The following CCDC171 variants were observed in gnomAD, a reference collection of about 807,000 sequenced individuals.
CCDC171 encodes coiled-coil domain-containing protein 171.
A neutral mutation model predicts 168.2 loss-of-function variants in CCDC171; 177 were observed. That is an observed-to-expected ratio of 1.05 (90% CI 0.93 to 1.19). CCDC171 has a LOEUF of 1.19. CCDC171 is among the 50% of genes most tolerant of loss of function. CCDC171 has a pLI of 0.00. For missense variants in CCDC171, 1,991 were observed against 1,539.0 expected, an observed-to-expected ratio of 1.29 and a Z score of -4.91; for synonymous variants, 687 against 540.8, an observed-to-expected ratio of 1.27 and a Z score of -3.75.
the CCDC171 span, among the ~76,000 whole-genome samples, chr9:16,094,921 G>A: frequency 2.2e-4 from 33 of 152,270 alleles, no homozygotes; most frequent in East Asian, 1.9e-3. Context: ...AGATTTCCCC[G>A]TTGCTGTCTC....
chr9:15,715,309 A>C (rs1217659911), intron 11 of CCDC171, among the ~76,000 whole-genome samples: 2 of 152,224 alleles, frequency 1.3e-5, no homozygotes, highest in Admixed American at 1.3e-4. Context: ...TAGAATAGGC[A>C]CTAATGTTTG....
intron 9 of CCDC171, among the ~76,000 whole-genome samples, chr9:15,670,621 C>T (rs1203833088): frequency 1.3e-5 from 2 of 152,082 alleles, no homozygotes; most frequent in Non-Finnish European, 2.9e-5. Flanking sequence ...TTCTCCCACA[C>T]CACAGACACT....
chr9:15,707,263 C>T (rs72706681), intron 11 of CCDC171, among the ~76,000 whole-genome samples: 3 of 152,330 alleles, frequency 2.0e-5, no homozygotes, highest in Non-Finnish European at 4.4e-5. Flanking sequence ...AGTAGCTTTA[C>T]TGAGTACTCA....
In CCDC171 at chr9:15,672,638, T is replaced by C. The variant is rs542454902; in HGVS notation, c.1077-6120T>C. On this transcript the variant is annotated intron_variant, in intron 9 of 25. Transcript: ENST00000380701. ...TTCCCCGTTTCTTGTTTTTGTCAGG[T>C]TTGTTGAAGATCAGATGGTTGTAGA... is the stretch of plus-strand genomic sequence containing the variant. Among the ~76,000 whole-genome samples the C allele has an allele frequency of 3.9e-5, 6 of 152,292 alleles. No homozygotes were observed. In the South Asian group the frequency reaches 1.2e-3, roughly 32 times the overall value.
chr9:16,107,639 TGTAA>T, the CCDC171 span, among the ~76,000 whole-genome samples: 14 of 152,280 alleles, frequency 9.2e-5, no homozygotes, highest in Middle Eastern at 3.4e-3. Context: ...TATATATACA[TGTAA>T]GTGTTTTTTT....
chr9:16,000,998 G>A (rs1276362404), intron 3 of CCDC171, among the ~76,000 whole-genome samples: 1 of 152,096 alleles, frequency 6.6e-6, no homozygotes, highest in Admixed American at 6.6e-5. Context: ...GATGATGATT[G>A]GCTCATTCAG....
upstream of CCDC171, among the ~76,000 whole-genome samples, chr9:16,041,624 C>A (rs753580449): frequency 1.6e-4 from 25 of 152,142 alleles, no homozygotes; most frequent in Non-Finnish European, 4.4e-5. Flanking sequence ...TAGTGAATAT[C>A]ACTTAACCCA....
At chr9:15,992,398 T>G (rs979281596) in intron 3 of CCDC171, among the ~76,000 whole-genome samples, 1 of 152,210 alleles carries the variant, frequency 6.6e-6, no homozygotes, top group Non-Finnish European at 1.5e-5. Context: ...CAACAGCTCT[T>G]CATGCTAAAA....
chr9:15,576,367 T>C lies in CCDC171; in HGVS notation c.178-2482T>C, dbSNP rs573409387. On this transcript the variant is annotated intron_variant, in intron 3 of 25. Coordinates refer to ENST00000380701, the MANE Select transcript of CCDC171 (RefSeq NM_173550.4). ...CTGGCTAATTTATTATTATTATTATTTGTAGACATGGGGTCTTGCTGTGTT... is the reference window on the plus strand; with the variant it reads ...CTGGCTAATTTATTATTATTATTATCTGTAGACATGGGGTCTTGCTGTGTT... Among the ~76,000 whole-genome samples the C allele has an allele frequency of 4.6e-5, 7 of 151,906 alleles. No individual in the cohort carries two copies. The South Asian group carries it at 1.5e-3, about 32-fold the overall frequency.
At chr9:15,985,181 A>G (rs1831944950) in intron 3 of CCDC171, among the ~76,000 whole-genome samples, 1 of 152,148 alleles carries the variant, frequency 6.6e-6, no homozygotes, top group Admixed American at 6.6e-5. Context: ...GGCACACAGG[A>G]AGGGAGGCTC....
rs200192305 is a variant in CCDC171, at chr9:15,822,806, G to A, written c.3268-23896G>A. Among the ~76,000 whole-genome samples the A allele has an allele frequency of 3.0e-4, 46 of 152,166 alleles. No individual in the cohort carries two copies. The South Asian group carries it at 4.0e-3, about 13-fold the overall frequency. On this transcript the variant is annotated intron_variant, in intron 21 of 25. Coordinates refer to ENST00000380701, the MANE Select transcript of CCDC171 (RefSeq NM_173550.4). ...TCCTCAGGGATCTAGAACTAGAAAT[G>A]CCATTTTACCCAGCCATCGCATTGC...
intron 10 of CCDC171, among the ~76,000 whole-genome samples, chr9:15,688,864 C>T (rs1277355793): frequency 2.0e-5 from 3 of 151,876 alleles, no homozygotes; most frequent in Non-Finnish European, 4.4e-5. Context: ...TGGTATTAGG[C>T]AAGAAAAAGA....
intron 9 of CCDC171, among the ~76,000 whole-genome samples, chr9:15,677,263 T>C (rs1810946670): frequency 6.6e-6 from 1 of 152,198 alleles, no homozygotes; most frequent in African/African-American, 2.4e-5. Flanking sequence ...TTGAGAGATT[T>C]ACATAAATGT....
intron 1 of CCDC171, among the ~76,000 whole-genome samples, chr9:15,555,764 A>C (rs1476869443): frequency 6.6e-6 from 1 of 152,188 alleles, no homozygotes; most frequent in Non-Finnish European, 1.5e-5. Context: ...TACATGTGCC[A>C]TGTTGGTGTG....
At chr9:15,990,009 A>T (rs1832133206) in intron 3 of CCDC171, among the ~76,000 whole-genome samples, 1 of 152,194 alleles carries the variant, frequency 6.6e-6, no homozygotes, top group African/African-American at 2.4e-5. Context: ...ACTCTGCAGG[A>T]TATTATCCAG....
intron 6 of CCDC171, among the ~76,000 whole-genome samples, chr9:15,606,590 G>C (rs1011820779): frequency 3.3e-5 from 5 of 152,160 alleles, no homozygotes; most frequent in Non-Finnish European, 5.9e-5. Flanking sequence ...AGCTAGAAAA[G>C]AGGAGTACAT....
chr9:16,043,686 C>T (rs1833608917), intron 1 of CCDC171, among the ~76,000 whole-genome samples: 1 of 152,212 alleles, frequency 6.6e-6, no homozygotes, highest in African/African-American at 2.4e-5. Context: ...CTGTAGATAT[C>T]AGATGTGGCT....
chr9:15,930,631 A>C (rs950969591), intron 25 of CCDC171, among the ~76,000 whole-genome samples: 4 of 151,640 alleles, frequency 2.6e-5, no homozygotes, highest in African/African-American at 9.7e-5. Context: ...AACTCTACTT[A>C]GGCCTAGCAA....
intron 1 of CCDC171, among the ~76,000 whole-genome samples, chr9:16,050,165 G>T (rs901724914): frequency 1.3e-5 from 2 of 151,932 alleles, no homozygotes; most frequent in African/African-American, 4.9e-5. Context: ...GGGATTACAG[G>T]CATGAGCCAC....
Sources: gnomAD v4.1 joint callset for allele counts (sites outside exome capture counted in the v4.1 genomes callset) on GRCh38, gnomAD v4.1.1 for gene constraint, MANE v1.5 for transcripts, NCBI Gene and HGNC (gene_info 2026-07-23, HGNC 2026-07-21) for gene names.